Variants in ALDH2 observed in about 807,000 individuals in gnomAD.
The protein encoded by ALDH2 is aldehyde dehydrogenase 2 family member.
A neutral mutation model predicts 59.6 loss-of-function variants in ALDH2; 44 were observed. That is an observed-to-expected ratio of 0.74 (90% CI 0.58 to 0.95). The LOEUF (loss-of-function observed/expected upper bound fraction) is 0.95. Ranked by LOEUF, ALDH2 falls within the 40% of genes least tolerant of loss-of-function variation. ALDH2 has a pLI of 0.00. For missense variants in ALDH2, 570 were observed against 696.3 expected (o/e 0.82, Z 2.04); for synonymous variants, 291 against 284.0 (o/e 1.02, Z -0.25).
chr12:111,776,029 G>T (rs1230991255), intron 1 of ALDH2, among the ~76,000 whole-genome samples: 1 of 152,198 alleles, frequency 6.6e-6, no homozygotes, highest in Non-Finnish European at 1.5e-5. Flanking sequence ...AGTGAAGGGT[G>T]ATTGAGAACA....
chr12:111,796,647 A>G (rs984938668), intron 9 of ALDH2, among the ~76,000 whole-genome samples: 2 of 152,068 alleles, frequency 1.3e-5, no homozygotes, highest in Non-Finnish European at 2.9e-5. Flanking sequence ...TAACCCCTGT[A>G]GTCCTAACAC....
chr12:111,798,088 C>T lies in ALDH2; in HGVS notation c.1094C>T (p.Thr365Ile). 1 of 1,614,132 alleles carries T rather than the reference C, an allele frequency of 6.2e-7. No individual in the cohort carries two copies. The highest frequency in any genetic ancestry group is 8.5e-7 in the Non-Finnish European group (1 of 1,180,036). Reference sequence around the variant, plus strand: ...TTCCTTCTCCCACAGGTGGATGAAACTCAGTTTAAGAAGATCCTCGGCTAC... The same window carrying T: ...TTCCTTCTCCCACAGGTGGATGAAATTCAGTTTAAGAAGATCCTCGGCTAC... ...KTEQGPQVDE[T>I]QFKKILGYIN... Residue 365 changes from threonine (T) to isoleucine (I), a missense_variant, in exon 10 of 13, where the codon ACT becomes ATT. Thr to Ile is a moderately conservative substitution (Grantham distance 89). Transcript: ENST00000261733.
chr12:111,782,119 T>G, intron 2 of ALDH2, 97 bp downstream of exon 2: 3 of 905,942 alleles, frequency 3.3e-6, no homozygotes, highest in Non-Finnish European at 5.3e-6. Context: ...GTGTATTACT[T>G]TCACAAGTAA....
In ALDH2 at chr12:111,775,861, GC is replaced by G. The variant is rs965725649; in HGVS notation, c.115-6051del. On this transcript the variant is annotated intron_variant, in intron 1 of 12. Coordinates refer to ENST00000261733, the MANE Select transcript of ALDH2 (RefSeq NM_000690.4). ...TCAGTGTGAGAACAGTTCCTACCCAGCCCCCCACCGGGGAGGGAAGCCACTG... is the reference window on the plus strand; with the variant it reads ...TCAGTGTGAGAACAGTTCCTACCCAGCCCCCACCGGGGAGGGAAGCCACTG... 1.5e-3 allele frequency: 355 copies of G among 240,666 alleles called. 1 individual carries two copies. The highest frequency in any genetic ancestry group is 2.7e-3 in the Non-Finnish European group (318 of 116,996). The allele number at this position is 240,666 out of a possible 1,614,324, so 14.9% of individuals were successfully genotyped here. A position where few individuals can be genotyped will look rare whatever the true frequency, so the allele number is the denominator to read the frequency against.
At chr12:111,768,363 G>T (rs779657636) in intron 1 of ALDH2, among the ~76,000 whole-genome samples, 4 of 152,222 alleles carry the variant, frequency 2.6e-5, no homozygotes, top group Non-Finnish European at 4.4e-5. Flanking sequence ...TGCAAATCTG[G>T]ATATAGGTGA....
At chr12:111,774,009 T>C (rs2068218946) in intron 1 of ALDH2, among the ~76,000 whole-genome samples, 1 of 152,144 alleles carries the variant, frequency 6.6e-6, no homozygotes, top group African/African-American at 2.4e-5. Context: ...TGGGGACGCA[T>C]AGGGAGTGGT....
chr12:111,783,380 A>G, intron 3 of ALDH2, 82 bp downstream of exon 3: 2 of 1,502,200 alleles, frequency 1.3e-6, no homozygotes, highest in East Asian at 2.3e-5. Context: ...GGAACCAAGC[A>G]TCCTGTGAAC....
Position 111,810,354 on chromosome 12 carries a change from T to C in ALDH2, c.*779T>C, listed in dbSNP as rs544482704. On this transcript the variant is annotated 3_prime_UTR_variant, in exon 13 of 13. Coordinates refer to ENST00000261733, the MANE Select transcript of ALDH2 (RefSeq NM_000690.4). ...CTAAGGAAATGCTGGCAGGCAGTAA[T>C]GATATGGCACACTGGATATGATTTC... The C allele has an allele frequency of 5.9e-5, 9 of 152,328 alleles. No homozygotes were observed. 9.4% of individuals were successfully genotyped at this position (152,328 alleles called of 1,614,324 possible).
Position 111,811,969 on chromosome 12 carries a change from C to T in ALDH2, c.*2394C>T, listed in dbSNP as rs552169633. On this transcript the variant is annotated 3_prime_UTR_variant, in exon 13 of 13. Coordinates refer to ENST00000261733, the MANE Select transcript of ALDH2 (RefSeq NM_000690.4). ...GCACTGTTATTTATTGGATACAAAG[C>T]AAAAGGGGCAGGGTAAAGAGTGTGA... 24 of 178,314 alleles carry T rather than the reference C, an allele frequency of 1.3e-4. No individual in the cohort carries two copies. Among genetic ancestry groups the T allele is most frequent in the Non-Finnish European group, 2.2e-4 (20 of 89,036 alleles). The allele number at this position is 178,314 out of a possible 1,614,324, so 11.0% of individuals were successfully genotyped here. A position where few individuals can be genotyped will look rare whatever the true frequency, so the allele number is the denominator to read the frequency against.
intron 3 of ALDH2, among the ~76,000 whole-genome samples, chr12:111,783,877 C>T (rs1001771471): frequency 4.6e-5 from 7 of 152,064 alleles, no homozygotes; most frequent in Non-Finnish European, 8.8e-5. Context: ...GTCAGGGAGG[C>T]CTTCCCAGGA....
chr12:111,770,793 C>T (rs1427018068), intron 1 of ALDH2, among the ~76,000 whole-genome samples: 1 of 151,988 alleles, frequency 6.6e-6, no homozygotes, highest in East Asian at 1.9e-4. Context: ...TACAGGTGCC[C>T]ACCACCACGC....
Position 111,783,270 on chromosome 12 carries a change from T to A in ALDH2, c.332T>A (p.Leu111Gln), listed in dbSNP as rs1225933656. ...CGGCTGCTGAACCGCCTGGCCGATC[T>A]GATCGAGCGGGACCGGACCTACCTG... ...RGRLLNRLADLIERDRTYLAA... is the reference protein window; with the variant it reads ...RGRLLNRLADQIERDRTYLAA... Residue 111 changes from leucine to glutamine, a missense_variant, in exon 3 of 13, where the codon CTG becomes CAG. Coordinates refer to ENST00000261733, the MANE Select transcript of ALDH2 (RefSeq NM_000690.4). 6.2e-7 allele frequency: 1 copy of A among 1,612,214 alleles called. No individual in the cohort carries two copies. Among genetic ancestry groups the A allele is most frequent in the African/African-American group, 1.3e-5 (1 of 74,936 alleles).
chr12:111,792,187 C>T (rs2068365966), intron 8 of ALDH2, 24 bp downstream of exon 8: 1 of 1,569,534 alleles, frequency 6.4e-7, no homozygotes, highest in African/African-American at 1.4e-5. Context: ...TGGAGAAGGC[C>T]TGGCCTTGAA....
Position 111,809,791 on chromosome 12 carries a change from A to G in ALDH2, c.*216A>G. 6.9e-6 allele frequency: 4 copies of G among 579,670 alleles called. No homozygotes were observed. The highest frequency in any genetic ancestry group is 2.9e-5 in the East Asian group (1 of 34,756). 35.9% of individuals were successfully genotyped at this position (579,670 alleles called of 1,614,324 possible). A position where few individuals can be genotyped will look rare whatever the true frequency, so the allele number is the denominator to read the frequency against. On this transcript the variant is annotated 3_prime_UTR_variant, in exon 13 of 13. Transcript: ENST00000261733. ...GAGGAACCTTTTAAACGACAACAAT[A>G]CTGCTAGCTTTCAGGATGATTTTTA... is the stretch of plus-strand genomic sequence containing the variant.
intron 1 of ALDH2, 35 bp from the exon 2 acceptor site, chr12:111,781,883 G>C: frequency 1.3e-6 from 2 of 1,512,264 alleles, no homozygotes; most frequent in Non-Finnish European, 1.8e-6. Context: ...TAGGTTGACA[G>C]CTGGTCCTGA....
intron 1 of ALDH2, among the ~76,000 whole-genome samples, chr12:111,768,802 G>A (rs2136005032): frequency 6.6e-6 from 1 of 152,092 alleles, no homozygotes; most frequent in African/African-American, 2.4e-5. Flanking sequence ...AACATAGCAA[G>A]ACCCTGTGTC....
intron 4 of ALDH2, among the ~76,000 whole-genome samples, chr12:111,786,518 G>A (rs1232766502): frequency 2.7e-5 from 4 of 150,800 alleles, no homozygotes; most frequent in African/African-American, 7.3e-5. Flanking sequence ...TTAGAGGCGT[G>A]AGCCACCACG....
At chr12:111,809,077 G>T (rs2068517161) in intron 12 of ALDH2, among the ~76,000 whole-genome samples, 1 of 152,124 alleles carries the variant, frequency 6.6e-6, no homozygotes. Flanking sequence ...ACACATCTAG[G>T]GAGATGGGCT....
At chr12:111,790,599 C>G in intron 6 of ALDH2, 37 bp downstream of exon 6, 1 of 1,613,642 alleles carries the variant, frequency 6.2e-7, no homozygotes. Context: ...TCTAAATGCC[C>G]TTGTTGAGGC....
Sources: gnomAD v4.1 joint callset for allele counts (sites outside exome capture counted in the v4.1 genomes callset) on GRCh38, gnomAD v4.1.1 for gene constraint, MANE v1.5 for transcripts, NCBI Gene and HGNC (gene_info 2026-07-23, HGNC 2026-07-21) for gene names.